Variants in CSMD1 observed in about 807,000 individuals in gnomAD.
The protein encoded by CSMD1 is CUB and Sushi multiple domains 1.
A neutral mutation model predicts 417.5 loss-of-function variants in CSMD1; 213 were observed. The ratio of observed to expected loss-of-function variants is 0.51; its 90% CI spans 0.46 to 0.57. CSMD1 has a LOEUF of 0.57. Among genes scored for constraint, CSMD1 ranks in the 20% least tolerant of loss-of-function variants. The pLI, the probability that CSMD1 is intolerant of heterozygous loss-of-function variation, is 0.00. For synonymous variants in CSMD1, 2,862 were observed against 1,736.8 expected (o/e 1.65, Z -16.11); for missense variants, 6,923 against 4,529.7 (o/e 1.53, Z -15.17).
At chr8:3,367,632 G>A (rs1809683712) in intron 19 of CSMD1, among the ~76,000 whole-genome samples, 1 of 151,906 alleles carries the variant, frequency 6.6e-6, no homozygotes, top group East Asian at 1.9e-4. Context: ...CTTTAGAAAT[G>A]AAAAAAAGCA....
intron 30 of CSMD1, among the ~76,000 whole-genome samples, chr8:3,212,808 G>C (rs932043550): frequency 1.3e-5 from 2 of 148,250 alleles, no homozygotes; most frequent in African/African-American, 5.0e-5. Context: ...TGTTTTGCTT[G>C]TTTGATTTTA....
At chr8:4,659,871 T>A (rs191361148) in intron 1 of CSMD1, among the ~76,000 whole-genome samples, 2 of 151,926 alleles carry the variant, frequency 1.3e-5, no homozygotes, top group African/African-American at 4.8e-5. Flanking sequence ...ATCAAATAAA[T>A]CATAAAAATC....
chr8:4,017,352 C>T (rs1796572601), intron 4 of CSMD1, among the ~76,000 whole-genome samples: 1 of 152,188 alleles, frequency 6.6e-6, no homozygotes, highest in South Asian at 2.1e-4. Context: ...GTTGCCCAGG[C>T]TGGAGTGCAA....
intron 3 of CSMD1, among the ~76,000 whole-genome samples, chr8:4,373,071 G>C (rs1281388140): frequency 1.3e-5 from 2 of 152,154 alleles, no homozygotes; most frequent in Non-Finnish European, 2.9e-5. Context: ...TGAGAAGACA[G>C]TTTACCTGTG....
intron 2 of CSMD1, among the ~76,000 whole-genome samples, chr8:4,632,033 A>G (rs1196336416): frequency 6.6e-6 from 1 of 152,188 alleles, no homozygotes; most frequent in Non-Finnish European, 1.5e-5. Flanking sequence ...GTCAACGTCA[A>G]TTGTTTCTGA....
chr8:3,769,751 T>C (rs1023767189), intron 5 of CSMD1, among the ~76,000 whole-genome samples: 2 of 152,200 alleles, frequency 1.3e-5, no homozygotes, highest in African/African-American at 4.8e-5. Flanking sequence ...TGTCCTGCTA[T>C]GGCAATTTGG....
intron 1 of CSMD1, among the ~76,000 whole-genome samples, chr8:4,757,021 T>C (rs967927797): frequency 1.3e-5 from 2 of 152,248 alleles, no homozygotes; most frequent in Admixed American, 6.5e-5. Flanking sequence ...TAGTAGACTG[T>C]TCTTATACAA....
rs144926156 is a variant in CSMD1 at position 3,648,356 on chromosome 8, G to A, written c.1010-31559C>T. On this transcript the variant is annotated intron_variant, in intron 7 of 69. Transcript: ENST00000635120. ...CTATATTGAACAATATTTTGGTCATGACAGAGAAATTTTCAAATTAAGACT... is the reference window on the plus strand; with the variant it reads ...CTATATTGAACAATATTTTGGTCATAACAGAGAAATTTTCAAATTAAGACT... 8.1e-4 allele frequency among the ~76,000 whole-genome samples: 124 copies of A among 152,272 alleles called. 1 individual carries two copies. The East Asian group carries it at 8.3e-3, about 10-fold the overall frequency.
At chr8:3,525,347 C>G (rs1563121914) in intron 10 of CSMD1, among the ~76,000 whole-genome samples, 1 of 152,130 alleles carries the variant, frequency 6.6e-6, no homozygotes, top group African/African-American at 2.4e-5. Flanking sequence ...CAAAAGCACT[C>G]TGGGAGGCAG....
At chr8:3,486,273 A>ATT (rs33919495) in intron 11 of CSMD1, among the ~76,000 whole-genome samples, 1 of 151,874 alleles carries the variant, frequency 6.6e-6, no homozygotes, top group Admixed American at 6.6e-5. Context: ...TTTTAAAACT[A>ATT]TTTTTTATCT....
intron 18 of CSMD1, among the ~76,000 whole-genome samples, chr8:3,370,639 A>G (rs1327151571): frequency 6.6e-6 from 1 of 152,188 alleles, no homozygotes; most frequent in Non-Finnish European, 1.5e-5. Flanking sequence ...ACCAATGTGA[A>G]CTGGCATCAT....
intron 41 of CSMD1, among the ~76,000 whole-genome samples, chr8:3,140,915 T>C (rs914868531): frequency 6.6e-6 from 1 of 152,204 alleles, no homozygotes; most frequent in African/African-American, 2.4e-5. Flanking sequence ...AAGGATAAAG[T>C]TCAATCACTG....
chr8:4,768,021 C>A (rs1383815107), intron 1 of CSMD1, among the ~76,000 whole-genome samples: 3 of 152,166 alleles, frequency 2.0e-5, no homozygotes, highest in South Asian at 2.1e-4. Flanking sequence ...TTACGTTCAA[C>A]AGACACATGC....
At chr8:4,289,760 C>A (rs1182395740) in intron 3 of CSMD1, among the ~76,000 whole-genome samples, 1 of 152,156 alleles carries the variant, frequency 6.6e-6, no homozygotes, top group Non-Finnish European at 1.5e-5. Flanking sequence ...AACATCTCCA[C>A]CGTACTGGAA....
chr8:4,442,986 C>G (rs896897144), intron 2 of CSMD1, among the ~76,000 whole-genome samples: 2 of 152,096 alleles, frequency 1.3e-5, no homozygotes, highest in African/African-American at 4.8e-5. Context: ...AGTGTCATTG[C>G]TTTAACTCTT....
chr8:4,570,884 C>A (rs1798861691), intron 2 of CSMD1, among the ~76,000 whole-genome samples: 1 of 151,904 alleles, frequency 6.6e-6, no homozygotes. Context: ...AGTATGTGTA[C>A]CCAGGAATTT....
chr8:4,220,660 G>A (rs1412681622), intron 3 of CSMD1, among the ~76,000 whole-genome samples: 1 of 152,140 alleles, frequency 6.6e-6, no homozygotes, highest in African/African-American at 2.4e-5. Flanking sequence ...ATTTGAAGAT[G>A]GCTTAGCAAA....
At chr8:3,294,540 C>A (rs1274061390) in intron 25 of CSMD1, among the ~76,000 whole-genome samples, 2 of 142,738 alleles carry the variant, frequency 1.4e-5, no homozygotes, top group Non-Finnish European at 3.1e-5. Context: ...CCTCCCCCAG[C>A]CTCGCTGCAG....
At chr8:3,855,121 A>G (rs987404575) in intron 5 of CSMD1, among the ~76,000 whole-genome samples, 1 of 152,102 alleles carries the variant, frequency 6.6e-6, no homozygotes, top group Non-Finnish European at 1.5e-5. Flanking sequence ...GGTTTTAAAT[A>G]TTTTTCTGTA....
Sources: allele counts gnomAD v4.1 joint callset (sites outside exome capture counted in the v4.1 genomes callset), GRCh38; gene constraint gnomAD v4.1.1; transcripts MANE v1.5; gene names NCBI Gene and HGNC (gene_info 2026-07-23, HGNC 2026-07-21).